Variants in RPN1 observed in about 807,000 individuals in gnomAD.
RPN1 encodes the protein dolichyl-diphosphooligosaccharide--protein glycosyltransferase subunit 1.
Under a neutral mutation model 55.5 loss-of-function variants are expected in RPN1, and 12 were observed. The ratio of observed to expected loss-of-function variants is 0.22; its 90% CI spans 0.14 to 0.35. The LOEUF (loss-of-function observed/expected upper bound fraction) is 0.35, where lower values mean the gene tolerates loss of function less well. RPN1 is among the 10% of genes least tolerant of loss of function. The pLI, the probability that RPN1 is intolerant of heterozygous loss-of-function variation, is 1.00. For missense variants in RPN1, 679 were observed against 761.3 expected, an observed-to-expected ratio of 0.89 and a Z score of 1.27; for synonymous variants, 317 against 305.9, an observed-to-expected ratio of 1.04 and a Z score of -0.38.
rs1194056241 is a variant in RPN1 at position 128,622,476 on chromosome 3, A to C, written c.1396-67T>G. 5 of 1,586,074 alleles carry C rather than the reference A, an allele frequency of 3.2e-6. No homozygotes were observed. The African/African-American group carries it at 6.7e-5, about 21-fold the overall frequency. On this transcript the variant is annotated intron_variant, in intron 8 of 9. Transcript: ENST00000296255. ...TGGGTCCACTCTGACCTTATCTCCC[A>C]AAGAACATCTGCCACCAGCAGCCAT... is the stretch of plus-strand genomic sequence containing the variant.
At chr3:128,624,005 GCACACA>G (rs74281186) in intron 8 of RPN1, among the ~76,000 whole-genome samples, 5 of 147,914 alleles carry the variant, frequency 3.4e-5, no homozygotes, top group Admixed American at 6.8e-5. Flanking sequence ...ACACACACAC[GCACACA>G]CACACACACA....
intron 3 of RPN1, 122 bp downstream of exon 3, chr3:128,637,677 T>G: frequency 2.0e-6 from 2 of 989,438 alleles, no homozygotes; most frequent in Non-Finnish European, 3.0e-6. Context: ...ACTTTTGGGA[T>G]GACCTTAGAA....
chr3:128,650,069 C>T (rs1324740743), intron 1 of RPN1, among the ~76,000 whole-genome samples: 1 of 152,210 alleles, frequency 6.6e-6, no homozygotes, highest in Non-Finnish European at 1.5e-5. Context: ...ATTTATTTGT[C>T]CTCTACTTGA....
chr3:128,622,086 G>A, intron 9 of RPN1, 78 bp downstream of exon 9: 2 of 1,415,458 alleles, frequency 1.4e-6, no homozygotes, highest in Non-Finnish European at 2.0e-6. Context: ...CAAGAGAGCT[G>A]CCCAGTGTCT....
At chr3:128,623,605 G>A (rs144137326) in intron 8 of RPN1, among the ~76,000 whole-genome samples, 1 of 152,270 alleles carries the variant, frequency 6.6e-6, no homozygotes, top group Non-Finnish European at 1.5e-5. Flanking sequence ...AACTACTTGG[G>A]AGGATGAGGT....
chr3:128,648,031 G>A (rs1308614913), intron 1 of RPN1, among the ~76,000 whole-genome samples: 1 of 152,152 alleles, frequency 6.6e-6, no homozygotes, highest in Non-Finnish European at 1.5e-5. Flanking sequence ...GGCCGAGGCA[G>A]GTAGATCACC....
chr3:128,636,235 C>T (rs1005488645), intron 3 of RPN1, among the ~76,000 whole-genome samples: 5 of 152,116 alleles, frequency 3.3e-5, no homozygotes, highest in South Asian at 2.1e-4. Context: ...CCGAGGCAGG[C>T]GGATCACCTG....
intron 3 of RPN1, among the ~76,000 whole-genome samples, chr3:128,635,796 T>C (rs2107717829): frequency 6.7e-6 from 1 of 149,928 alleles, no homozygotes; most frequent in Admixed American, 6.7e-5. Flanking sequence ...ATAAGTGCAC[T>C]TATATATATA....
intron 5 of RPN1, among the ~76,000 whole-genome samples, 194 bp downstream of exon 5, chr3:128,629,757 G>A (rs1250222184): frequency 6.6e-6 from 1 of 152,128 alleles, no homozygotes; most frequent in African/African-American, 2.4e-5. Flanking sequence ...ATACTGTTCG[G>A]ATTGACTATC....
At chr3:128,626,218 G>T (rs1164356866) in intron 6 of RPN1, among the ~76,000 whole-genome samples, 1 of 152,108 alleles carries the variant, frequency 6.6e-6, no homozygotes, top group Non-Finnish European at 1.5e-5. Context: ...TAAAGCCCTT[G>T]TCTGCTGGGG....
At chr3:128,628,137 G>A (rs568830811) in intron 5 of RPN1, among the ~76,000 whole-genome samples, 1 of 151,642 alleles carries the variant, frequency 6.6e-6, no homozygotes, top group Non-Finnish European at 1.5e-5. Flanking sequence ...CATGCCTGTA[G>A]TCCCAGCTAC....
At chr3:128,644,559 C>G in intron 2 of RPN1, 1 of 460,148 alleles carries the variant, frequency 2.2e-6, no homozygotes, top group Admixed American at 2.6e-5. Context: ...ATTTGGGAGG[C>G]TGAGGGAGAA....
At position 128,636,821 on chromosome 3, in the gene RPN1, T is replaced by C. The variant is rs533763051; in HGVS notation, c.633+978A>G. On this transcript the variant is annotated intron_variant, in intron 3 of 9. Coordinates refer to ENST00000296255, the MANE Select transcript of RPN1 (RefSeq NM_002950.4). Reference sequence around the variant, plus strand: ...ATATTGGCCTCCCAAAGTGCTAGGATTATAGGCATGAGCCACTGCACCCAG... The same window carrying C: ...ATATTGGCCTCCCAAAGTGCTAGGACTATAGGCATGAGCCACTGCACCCAG... Among the ~76,000 whole-genome samples the C allele has an allele frequency of 1.2e-4, 19 of 152,320 alleles. No homozygotes were observed. In the East Asian group the frequency reaches 3.5e-3, roughly 28 times the overall value.
chr3:128,621,552 G>A (rs1057382364), intron 9 of RPN1, among the ~76,000 whole-genome samples: 3 of 152,238 alleles, frequency 2.0e-5, no homozygotes, highest in African/African-American at 7.2e-5. Flanking sequence ...AGAGTGAGGA[G>A]AGGGAATGCC....
At chr3:128,644,656 G>GA (rs748275713) in intron 2 of RPN1, 42,647 of 461,698 alleles carry the variant, frequency 0.092, no homozygotes, top group South Asian at 0.12. Flanking sequence ...CCTGTCTCAA[G>GA]AAAAAAAAAA....
rs1205289513 is a variant in RPN1, at chr3:128,620,207, T to C, written c.*204A>G. On this transcript the variant is annotated 3_prime_UTR_variant, in exon 10 of 10. Transcript: ENST00000296255. Reference sequence around the variant, plus strand: ...TAATGGGAGTTTTTTTAAAGTTTTCTTTTTTTAAAAAAAAAAAAAAAGAAA... The same window carrying C: ...TAATGGGAGTTTTTTTAAAGTTTTCCTTTTTTAAAAAAAAAAAAAAAGAAA... 4 of 383,972 alleles carry C rather than the reference T, an allele frequency of 1.0e-5. No individual in the cohort carries two copies. Among genetic ancestry groups the C allele is most frequent in the South Asian group, 2.2e-4 (2 of 8,910 alleles). The allele number at this position is 383,972 out of a possible 1,614,324, so 23.8% of individuals were successfully genotyped here.
Position 128,620,095 on chromosome 3 carries a change from A to G in RPN1, c.*316T>C. The G allele has an allele frequency of 4.0e-6, 1 of 251,376 alleles. No individual in the cohort carries two copies. Among genetic ancestry groups the G allele is most frequent in the Non-Finnish European group, 7.6e-6 (1 of 131,056 alleles). 15.6% of individuals were successfully genotyped at this position (251,376 alleles called of 1,614,324 possible). A position where few individuals can be genotyped will look rare whatever the true frequency, so the allele number is the denominator to read the frequency against. On this transcript the variant is annotated 3_prime_UTR_variant, in exon 10 of 10. Transcript: ENST00000296255. Reference sequence around the variant, plus strand: ...AAGGGCATAAAACAGGGGGCTTTATAGGCTGAAAAATATCTTAGACTTCAG... The same window carrying G: ...AAGGGCATAAAACAGGGGGCTTTATGGGCTGAAAAATATCTTAGACTTCAG...
chr3:128,646,222 CAAAAAAAAAAAA>C (rs397803037), intron 1 of RPN1, among the ~76,000 whole-genome samples: 1 of 67,704 alleles, frequency 1.5e-5, no homozygotes, highest in Non-Finnish European at 2.8e-5. Context: ...GACTCCGTCT[CAAAAAAAAAAAA>C]AAAAAAAAAA....
chr3:128,637,745 T>C, intron 3 of RPN1, 54 bp downstream of exon 3: 2 of 1,563,372 alleles, frequency 1.3e-6, no homozygotes, highest in Admixed American at 3.4e-5. Flanking sequence ...GTAGTCACTC[T>C]GCAAGACATT....
Sources: allele counts gnomAD v4.1 joint callset (sites outside exome capture counted in the v4.1 genomes callset), GRCh38; gene constraint gnomAD v4.1.1; transcripts MANE v1.5; gene names NCBI Gene and HGNC (gene_info 2026-07-23, HGNC 2026-07-21).